Variants in CD300A observed in about 807,000 individuals in gnomAD.
The protein encoded by CD300A is CMRF35-like molecule 8.
In CD300A, 22 loss-of-function variants were observed where a neutral mutation model predicts 33.6. The ratio of observed to expected loss-of-function variants is 0.66; its 90% confidence interval spans 0.47 to 0.94. CD300A has a LOEUF of 0.94. Among genes scored for constraint, CD300A ranks in the 40% least tolerant of loss-of-function variants. CD300A has a pLI of 0.00. For synonymous variants in CD300A, 136 were observed against 148.1 expected (o/e 0.92, Z 0.59); for missense variants, 326 against 360.5 (o/e 0.90, Z 0.77).
intron 1 of CD300A, among the ~76,000 whole-genome samples, chr17:74,467,333 C>T (rs1343161209): frequency 6.6e-6 from 1 of 152,082 alleles, no homozygotes; most frequent in East Asian, 1.9e-4. Context: ...GGGGGAAGTC[C>T]CGAGGCAGCC....
chr17:74,482,767 GTGGCACAGTCT>G (rs1281696261), intron 6 of CD300A, among the ~76,000 whole-genome samples: 1 of 146,208 alleles, frequency 6.8e-6, no homozygotes, highest in African/African-American at 2.8e-5. Context: ...CTGGAATGCA[GTGGCACAGTCT>G]TGGCTCACTG....
intron 1 of CD300A, among the ~76,000 whole-genome samples, chr17:74,468,742 C>T (rs1014864139): frequency 6.6e-6 from 1 of 152,104 alleles, no homozygotes; most frequent in African/African-American, 2.4e-5. Context: ...CTGCAACCTC[C>T]GCCTCCCGGG....
At chr17:74,483,958 C>T (rs1453445956) in intron 6 of CD300A, 43 bp from the exon 7 acceptor site, 8 of 1,606,622 alleles carry the variant, frequency 5.0e-6, no homozygotes, top group Middle Eastern at 1.7e-4. Context: ...CCTTTCTTCC[C>T]TTGCCTCTCC....
rs750105162 is a variant in CD300A at position 74,473,675 on chromosome 17, G to C, written c.180G>C (p.Lys60Asn). 6.2e-7 allele frequency: 1 copy of C among 1,614,270 alleles called. No individual in the cohort carries two copies. Among genetic ancestry groups the C allele is most frequent in the Non-Finnish European group, 8.5e-7 (1 of 1,180,056 alleles). ...CRPPQIFLCD[K>N]IVETKGSAGK... ...CACCACAGATTTTCCTATGTGACAAGATTGTGGAGACCAAAGGGTCAGCAG... is the reference window on the plus strand; with the variant it reads ...CACCACAGATTTTCCTATGTGACAACATTGTGGAGACCAAAGGGTCAGCAG... Residue 60 changes from lysine to asparagine, a missense_variant, in exon 2 of 7, where the codon AAG becomes AAC. By Grantham distance (94) the Lys-to-Asn change is moderately conservative (BLOSUM62 0). Coordinates refer to ENST00000360141, the MANE Select transcript of CD300A (RefSeq NM_007261.4).
Position 74,484,321 on chromosome 17 carries a change from G to A in CD300A, c.*195G>A. On this transcript the variant is annotated 3_prime_UTR_variant, in exon 7 of 7. Transcript: ENST00000360141. ...TCCCCGAGGGCCAGCAGGGCTGGGG[G>A]CTCCGGAGAGCAGCAGGAAGCACTC... The A allele has an allele frequency of 1.9e-6, 1 of 514,628 alleles. No individual in the cohort carries two copies. The highest frequency in any genetic ancestry group is 3.5e-6 in the Non-Finnish European group (1 of 289,346). The allele number at this position is 514,628 out of a possible 1,614,324, so 31.9% of individuals were successfully genotyped here. A position where few individuals can be genotyped will look rare whatever the true frequency, so the allele number is the denominator to read the frequency against.
intron 1 of CD300A, 64 bp from the exon 2 acceptor site, chr17:74,473,472 C>A (rs1159673339): frequency 6.6e-7 from 1 of 1,511,730 alleles, no homozygotes; most frequent in Non-Finnish European, 9.0e-7. Flanking sequence ...GCGGCCCTGA[C>A]CCCAGGGCAC....
chr17:74,473,917 G>C lies in CD300A; in HGVS notation c.379+43G>C, dbSNP rs1264010988. 1.0e-5 allele frequency: 16 copies of C among 1,582,302 alleles called. No homozygotes were observed. The South Asian group carries it at 1.8e-4, about 18-fold the overall frequency. On this transcript the variant is annotated intron_variant, in intron 2 of 6. Coordinates refer to ENST00000360141, the MANE Select transcript of CD300A (RefSeq NM_007261.4). ...TCAGCGCCTAAATAGGCTCAGGTTG[G>C]AATTGTTGGGGCAGGAATCAGATCA...
In CD300A at chr17:74,481,330, A is replaced by T. The variant is rs1906829039; in HGVS notation, c.666+4A>T. On this transcript the variant is annotated splice_donor_region_variant and intron_variant, in intron 5 of 6. Coordinates refer to ENST00000360141, the MANE Select transcript of CD300A (RefSeq NM_007261.4). ...GCTGTCCCAGAACCCCAAGCAGGTA[A>T]GGGGGCTTTAGCAGGAGGTGTATCA... The T allele has an allele frequency of 6.2e-7, 1 of 1,613,628 alleles. No homozygotes were observed. The highest frequency in any genetic ancestry group is 8.5e-7 in the Non-Finnish European group (1 of 1,179,756).
intron 6 of CD300A, among the ~76,000 whole-genome samples, chr17:74,483,449 C>A (rs954657064): frequency 1.3e-5 from 2 of 151,870 alleles, no homozygotes; most frequent in African/African-American, 4.8e-5. Flanking sequence ...CTCCGCCTCC[C>A]CGGTTCAAGC....
chr17:74,481,518 A>C, intron 5 of CD300A, 192 bp downstream of exon 5: 2 of 656,306 alleles, frequency 3.0e-6, no homozygotes, highest in South Asian at 3.7e-5. Flanking sequence ...TCCCCTCCCC[A>C]CCAAGGCAAA....
At position 74,484,236 on chromosome 17, in the gene CD300A, CAACA is replaced by C. The variant is rs1202186750; in HGVS notation, c.*111_*114del. 40 of 1,211,660 alleles carry C rather than the reference CAACA, an allele frequency of 3.3e-5. No individual in the cohort carries two copies. The highest frequency in any genetic ancestry group is 4.3e-5 in the Non-Finnish European group (37 of 865,688). The allele number at this position is 1,211,660 out of a possible 1,614,324, so 75.1% of individuals were successfully genotyped here. A position where few individuals can be genotyped will look rare whatever the true frequency, so the allele number is the denominator to read the frequency against. On this transcript the variant is annotated 3_prime_UTR_variant, in exon 7 of 7. Transcript: ENST00000360141. ...TCAGCCTGCCCTCGACAACAGTGAC[CAACA>C]GACAGGCAGCTGGGTTTCCCAGGCC... is the stretch of plus-strand genomic sequence containing the variant.
intron 1 of CD300A, among the ~76,000 whole-genome samples, chr17:74,468,057 G>T (rs1905845110): frequency 8.1e-6 from 1 of 123,706 alleles, no homozygotes; most frequent in African/African-American, 3.1e-5. Context: ...TTTTTGAGAT[G>T]GAGTTTTGCT....
chr17:74,481,475 C>G lies in CD300A; in HGVS notation c.666+149C>G. On this transcript the variant is annotated intron_variant, in intron 5 of 6. Transcript: ENST00000360141. The stretch of plus-strand genomic sequence containing the variant: ...GACGAATGATGCTGGGAGATGTGGT[C>G]ACTAGGTCTTGTTCTGAGTCCTGGC... 5.4e-6 allele frequency: 4 copies of G among 741,668 alleles called. No homozygotes were observed. The South Asian group carries it at 6.6e-5, about 12-fold the overall frequency. 45.9% of individuals were successfully genotyped at this position (741,668 alleles called of 1,614,324 possible).
intron 4 of CD300A, among the ~76,000 whole-genome samples, chr17:74,477,779 A>C (rs906784980): frequency 6.6e-6 from 1 of 152,050 alleles, no homozygotes; most frequent in Non-Finnish European, 1.5e-5. Context: ...TGGTTGCCCC[A>C]TGAAGCAATG....
At chr17:74,482,732 T>TCCTTCC (rs1555639394) in intron 6 of CD300A, among the ~76,000 whole-genome samples, 2 of 133,020 alleles carry the variant, frequency 1.5e-5, no homozygotes, top group African/African-American at 7.7e-5. Context: ...CTTTCTTTCT[T>TCCTTCC]TGGAATCTCG....
chr17:74,484,059 G>A lies in CD300A; in HGVS notation c.833G>A (p.Arg278Lys). ...GTGGTGTTTGATTCTAACACCAACAGGATAGCTGCTCAGAGGCCTCGGGAG... is the reference window on the plus strand; with the variant it reads ...GTGGTGTTTGATTCTAACACCAACAAGATAGCTGCTCAGAGGCCTCGGGAG... Reference protein sequence around the residue: ...ASVVFDSNTNRIAAQRPREEE... With the variant: ...ASVVFDSNTNKIAAQRPREEE... The change falls in exon 7 of 7, where the codon AGG (arginine) becomes AAG (lysine). Residue 278 changes from arginine (R) to lysine (K), a missense_variant. Physicochemically the swap from Arg to Lys is conservative, Grantham distance 26. Transcript: ENST00000360141. The A allele has an allele frequency of 6.2e-7, 1 of 1,614,014 alleles. No homozygotes were observed. Among genetic ancestry groups the A allele is most frequent in the Non-Finnish European group, 8.5e-7 (1 of 1,179,960 alleles).
intron 6 of CD300A, among the ~76,000 whole-genome samples, chr17:74,483,626 G>A (rs1907064099): frequency 6.6e-6 from 1 of 152,102 alleles, no homozygotes; most frequent in Admixed American, 6.5e-5. Context: ...CAAAGTGCTG[G>A]GATTAAGGGC....
chr17:74,467,350 G>A (rs971942610), intron 1 of CD300A, among the ~76,000 whole-genome samples: 15 of 152,280 alleles, frequency 9.9e-5, no homozygotes, highest in African/African-American at 3.4e-4. Flanking sequence ...AGCCTTGGCT[G>A]GGGTTAGCCC....
chr17:74,473,770 A>T lies in CD300A; in HGVS notation c.275A>T (p.Asn92Ile), dbSNP rs1906268628. ...ANLSFTVTLE[N>I]LTEEDAGTYW... Reference sequence around the variant, plus strand: ...CTCAGCTTCACAGTGACCCTGGAGAATCTCACAGAGGAGGATGCAGGCACC... The same window carrying T: ...CTCAGCTTCACAGTGACCCTGGAGATTCTCACAGAGGAGGATGCAGGCACC... The change falls in exon 2 of 7, where the codon AAT (asparagine) becomes ATT (isoleucine). Residue 92 changes from asparagine to isoleucine, a missense_variant. By Grantham distance (149) the Asn-to-Ile change is moderately radical. Coordinates refer to ENST00000360141, the MANE Select transcript of CD300A (RefSeq NM_007261.4). The T allele has an allele frequency of 5.6e-6, 9 of 1,614,232 alleles. No individual in the cohort carries two copies. The highest frequency in any genetic ancestry group is 7.6e-6 in the Non-Finnish European group (9 of 1,180,044).
Sources: allele counts gnomAD v4.1 joint callset (sites outside exome capture counted in the v4.1 genomes callset), GRCh38; gene constraint gnomAD v4.1.1; transcripts MANE v1.5; gene names NCBI Gene and HGNC (gene_info 2026-07-23, HGNC 2026-07-21).